The following CFAP92 variants were observed in gnomAD, a reference collection of about 807,000 sequenced individuals.
CFAP92 encodes uncharacterized protein CFAP92.
In CFAP92, 86 loss-of-function variants were observed where a neutral mutation model predicts 106.3. The ratio of observed to expected loss-of-function variants is 0.81; its 90% CI spans 0.68 to 0.97. The LOEUF (loss-of-function observed/expected upper bound fraction) is 0.97, where lower values mean the gene tolerates loss of function less well. CFAP92 is among the 50% of genes least tolerant of loss of function. The probability of loss-of-function intolerance (pLI) is 0.00; values close to 1 mark genes in which losing one functional copy is unlikely to be tolerated. For missense variants in CFAP92, 1,204 were observed against 1,283.8 expected, an observed-to-expected ratio of 0.94 and a Z score of 0.95; for synonymous variants, 477 against 506.4, an observed-to-expected ratio of 0.94 and a Z score of 0.78.
chr3:128,987,758 T>C lies in CFAP92; in HGVS notation c.525A>G (p.Thr175=). ...AATTTATTTTCTTTAATAATTCCTT[T>C]GTCACAGTGATATTAAAAGTCTGCT... The part of the protein sequence containing the change: ...SWEQTFNITV[T]KELLKKINFH... The change falls in exon 4 of 16, where the codon ACA becomes ACG. Residue 175 remains threonine (T), a synonymous_variant. Transcript: ENST00000645291. 6.2e-7 allele frequency: 1 copy of C among 1,613,976 alleles called. No homozygotes were observed. The highest frequency in any genetic ancestry group is 8.5e-7 in the Non-Finnish European group (1 of 1,179,828).
At chr3:129,012,550 A>C in the CFAP92 span, among the ~76,000 whole-genome samples, 1 of 152,168 alleles carries the variant, frequency 6.6e-6, no homozygotes, top group African/African-American at 2.4e-5. Context: ...CCTGTAGATA[A>C]AGTCCTAGGA....
At chr3:128,944,315 CTCCTG>C (rs1939984478) in intron 10 of CFAP92, among the ~76,000 whole-genome samples, 1 of 152,040 alleles carries the variant, frequency 6.6e-6, no homozygotes, top group Admixed American at 6.6e-5. Flanking sequence ...GTTTTCACTT[CTCCTG>C]GGCTTATAAT....
intron 1 of CFAP92, among the ~76,000 whole-genome samples, chr3:128,999,304 T>C (rs1428119155): frequency 2.0e-5 from 3 of 152,212 alleles, no homozygotes; most frequent in Non-Finnish European, 4.4e-5. Context: ...CAGACAGGCC[T>C]GACAGCAAAC....
chr3:129,018,790 G>A, the CFAP92 span, among the ~76,000 whole-genome samples: 5 of 152,180 alleles, frequency 3.3e-5, no homozygotes, highest in South Asian at 2.1e-4. Flanking sequence ...GTGTTCTTGC[G>A]AAGTGAGTCT....
chr3:128,946,347 A>G (rs531183076), intron 9 of CFAP92, among the ~76,000 whole-genome samples: 20 of 152,290 alleles, frequency 1.3e-4, no homozygotes, highest in African/African-American at 4.8e-4. Context: ...TTAGAAAGGA[A>G]ATCTCTGTTT....
rs1481123835 is a variant in CFAP92, at chr3:128,953,859, G to A, written c.1354-7884C>T. ...TAACCGCGAGTGATCCGCCACCCTC[G>A]GCCTCCCGAGGTGCCGGGATTGCAG... On this transcript the variant is annotated intron_variant, in intron 9 of 15. Transcript: ENST00000645291. 9.0e-5 allele frequency among the ~76,000 whole-genome samples: 11 copies of A among 121,576 alleles called. No individual in the cohort carries two copies. The East Asian group carries it at 1.2e-3, about 14-fold the overall frequency. The allele number at this position is 121,576 out of a possible 152,430, so 79.8% of individuals were successfully genotyped here. A position where few individuals can be genotyped will look rare whatever the true frequency, so the allele number is the denominator to read the frequency against.
At chr3:128,964,030 C>T (rs950624268) in intron 9 of CFAP92, among the ~76,000 whole-genome samples, 1 of 152,190 alleles carries the variant, frequency 6.6e-6, no homozygotes, top group African/African-American at 2.4e-5. Flanking sequence ...GCAGTCATTT[C>T]TTCCCTTCTG....
chr3:129,011,741 C>T, the CFAP92 span, among the ~76,000 whole-genome samples: 1 of 151,936 alleles, frequency 6.6e-6, no homozygotes, highest in African/African-American at 2.4e-5. Flanking sequence ...CATTCAAATA[C>T]ATGCCCCCAG....
upstream of CFAP92, chr3:129,004,200 C>A: frequency 8.4e-7 from 1 of 1,189,210 alleles, no homozygotes; most frequent in Non-Finnish European, 1.1e-6. Flanking sequence ...TGCGTTTATT[C>A]ATGTATTCTT....
At chr3:128,988,582 G>A (rs1286651337) in intron 3 of CFAP92, 146 bp downstream of exon 3, 6 of 733,194 alleles carry the variant, frequency 8.2e-6, no homozygotes, top group Non-Finnish European at 1.3e-5. Flanking sequence ...TCAGGCCAGT[G>A]CAGATTCCCA....
chr3:128,993,467 G>A (rs1944348286), intron 1 of CFAP92, 131 bp from the exon 2 acceptor site: 2 of 897,318 alleles, frequency 2.2e-6, no homozygotes, highest in Non-Finnish European at 3.3e-6. Flanking sequence ...ATGAACGCCG[G>A]GGCTCCTTCA....
chr3:128,953,243 C>T (rs1940987866), intron 9 of CFAP92, among the ~76,000 whole-genome samples: 1 of 152,030 alleles, frequency 6.6e-6, no homozygotes, highest in Admixed American at 6.5e-5. Flanking sequence ...GGGCCGGGCG[C>T]GGTGGCTCAC....
chr3:128,925,415 C>G (rs781245761), intron 12 of CFAP92, among the ~76,000 whole-genome samples: 8 of 152,210 alleles, frequency 5.3e-5, no homozygotes, highest in African/African-American at 1.9e-4. Context: ...CAGTTTCTAA[C>G]AGGCCTCGAA....
chr3:128,962,574 AT>A (rs1443401403), intron 9 of CFAP92, among the ~76,000 whole-genome samples: 2 of 151,874 alleles, frequency 1.3e-5, no homozygotes, highest in African/African-American at 2.4e-5. Flanking sequence ...CTCCTCTTGT[AT>A]TCCCCCACCT....
At chr3:129,002,231 G>A (rs1335711571) in intron 1 of CFAP92, 5 of 1,528,778 alleles carry the variant, frequency 3.3e-6, no homozygotes, top group East Asian at 2.5e-5. Flanking sequence ...AGCGCGTTGC[G>A]CGGCTGGAGG....
chr3:129,002,582 T>G (rs1944844711), exon 1 of CFAP92: 1 of 592,684 alleles, frequency 1.7e-6, no homozygotes, highest in Non-Finnish European at 2.6e-6. Context: ...ACCCCACTTT[T>G]CTGCTCCACC....
chr3:128,982,171 T>C (rs1431947058), intron 4 of CFAP92, among the ~76,000 whole-genome samples: 3 of 152,232 alleles, frequency 2.0e-5, no homozygotes, highest in Non-Finnish European at 4.4e-5. Context: ...TCATCTACTC[T>C]GAAAATCTGT....
chr3:129,002,498 T>C (rs1944839330), intron 1 of CFAP92: 2 of 1,252,474 alleles, frequency 1.6e-6, no homozygotes, highest in South Asian at 3.5e-5. Context: ...TCCTCCCCAT[T>C]CCACTCCAGT....
At chr3:128,990,453 C>T (rs1453899186) in intron 2 of CFAP92, among the ~76,000 whole-genome samples, 5 of 151,628 alleles carry the variant, frequency 3.3e-5, no homozygotes, top group Non-Finnish European at 7.4e-5. Flanking sequence ...GCCAAGATCG[C>T]GCCACTGTAC....
Sources: allele counts gnomAD v4.1 joint callset (sites outside exome capture counted in the v4.1 genomes callset), GRCh38; gene constraint gnomAD v4.1.1; transcripts MANE v1.5; gene names NCBI Gene and HGNC (gene_info 2026-07-23, HGNC 2026-07-21).